GLG1: variants seen among roughly 807,000 people sequenced by gnomAD.
The protein encoded by GLG1 is Golgi apparatus protein 1.
Under a neutral mutation model 160.5 loss-of-function variants are expected in GLG1, and 38 were observed. The ratio of observed to expected loss-of-function variants is 0.24; its 90% confidence interval spans 0.18 to 0.31. GLG1 has a LOEUF of 0.31. Among genes scored for constraint, GLG1 ranks in the 10% least tolerant of loss-of-function variants. The pLI, the probability that GLG1 is intolerant of heterozygous loss-of-function variation, is 1.00. For missense variants in GLG1, 1,373 were observed against 1,505.2 expected (o/e 0.91, Z 1.45); for synonymous variants, 644 against 543.4 (o/e 1.19, Z -2.57).
chr16:74,474,391 C>T (rs547661522), intron 13 of GLG1, 155 bp downstream of exon 13: 4 of 620,744 alleles, frequency 6.4e-6, no homozygotes, highest in African/African-American at 5.5e-5. Flanking sequence ...ACACAATATA[C>T]TTCTTTATAA....
At chr16:74,461,494 A>ATC (rs1457655458) in intron 22 of GLG1, 10 of 89,672 alleles carry the variant, frequency 1.1e-4, no homozygotes, top group Non-Finnish European at 1.7e-4. Context: ...TTTTTGAGAC[A>ATC]GAGTCTTCCT....
chr16:74,575,912 C>G lies in GLG1; in HGVS notation c.438+30745G>C, dbSNP rs549907647. 6.9e-4 allele frequency among the ~76,000 whole-genome samples: 105 copies of G among 152,120 alleles called. 2 individuals carry two copies. The South Asian group carries it at 0.019, about 28-fold the overall frequency. ...TGCTCTCTCTCTCTCTCTCAAAATT[C>G]CAAACTAGCCAGGCGCGGTGGTTCA... On this transcript the variant is annotated intron_variant, in intron 1 of 25. Transcript: ENST00000422840.
In GLG1 at chr16:74,498,448, G is replaced by GTATATATATATATATATTATATATATA. The variant is rs2016282471; in HGVS notation, c.775-1805_775-1804insTATATATATAATATATATATATATATA. 4.6e-4 allele frequency among the ~76,000 whole-genome samples: 11 copies of GTATATATATATATATATTATATATATA among 24,052 alleles called. 1 individual carries two copies. Among genetic ancestry groups the GTATATATATATATATATTATATATATA allele is most frequent in the African/African-American group, 1.5e-3 (11 of 7,156 alleles). The allele number at this position is 24,052 out of a possible 152,430, so 15.8% of individuals were successfully genotyped here. The stretch of plus-strand genomic sequence containing the variant: ...GGCTCTGTCTCAAAAAAAAAAAAAA[G>GTATATATATATATATATTATATATATA]TATATATATATATATATATTATATT... On this transcript the variant is annotated intron_variant, in intron 4 of 25. Coordinates refer to ENST00000422840, the MANE Select transcript of GLG1 (RefSeq NM_001145667.2).
chr16:74,545,913 T>C (rs924519724), intron 1 of GLG1, among the ~76,000 whole-genome samples: 1 of 152,256 alleles, frequency 6.6e-6, no homozygotes, highest in African/African-American at 2.4e-5. Flanking sequence ...CGGTCAACTT[T>C]AATAAAGCAA....
At chr16:74,483,205 G>C in intron 9 of GLG1, 81 bp from the exon 10 acceptor site, 1 of 820,570 alleles carries the variant, frequency 1.2e-6, no homozygotes, top group Admixed American at 2.3e-5. Flanking sequence ...CTGGTCTGTA[G>C]AAGGCGGCTT....
At chr16:74,454,396 T>C (rs1820594800) in intron 25 of GLG1, among the ~76,000 whole-genome samples, 1 of 150,736 alleles carries the variant, frequency 6.6e-6, no homozygotes, top group South Asian at 2.1e-4. Context: ...TGGCCAGGCA[T>C]GGTGGCTCAC....
intron 2 of GLG1, among the ~76,000 whole-genome samples, chr16:74,529,812 CTTTT>C (rs1178684020): frequency 8.6e-6 from 1 of 115,792 alleles, no homozygotes; most frequent in African/African-American, 3.3e-5. Context: ...TTTGAGAGTT[CTTTT>C]TTTTTTTTTT....
rs180758229 is a variant in GLG1 at position 74,459,640 on chromosome 16, A to G, written c.3144+42T>C. On this transcript the variant is annotated intron_variant, in intron 23 of 25. Transcript: ENST00000422840. ...CATTAAAAGGAAGAAGAGAAAAAAA[A>G]AAAAAGAAATGAAGTGAGGAAAAGA... The G allele has an allele frequency of 2.4e-5, 25 of 1,063,036 alleles. No individual in the cohort carries two copies. The East Asian group carries it at 5.5e-4, about 23-fold the overall frequency. 65.9% of individuals were successfully genotyped at this position (1,063,036 alleles called of 1,614,324 possible). A position where few individuals can be genotyped will look rare whatever the true frequency, so the allele number is the denominator to read the frequency against.
chr16:74,563,016 G>GC (rs1419822996), intron 1 of GLG1: 1 of 152,130 alleles, frequency 6.6e-6, no homozygotes, highest in Non-Finnish European at 1.5e-5. Context: ...GTTAGAAAAG[G>GC]TTTTCCCCCA....
chr16:74,509,845 T>C (rs2016744952), intron 2 of GLG1, among the ~76,000 whole-genome samples: 1 of 144,830 alleles, frequency 6.9e-6, no homozygotes, highest in Admixed American at 6.9e-5. Context: ...CAAGACTCTG[T>C]CTCAAAAAAA....
chr16:74,520,696 T>C (rs1451867758), intron 2 of GLG1, among the ~76,000 whole-genome samples: 1 of 152,190 alleles, frequency 6.6e-6, no homozygotes, highest in Non-Finnish European at 1.5e-5. Context: ...AAGAACTGCA[T>C]GCCAGAAATA....
At chr16:74,547,842 T>A (rs1204971753) in intron 1 of GLG1, among the ~76,000 whole-genome samples, 1 of 152,258 alleles carries the variant, frequency 6.6e-6, no homozygotes, top group Admixed American at 6.5e-5. Flanking sequence ...AAAAGCTGTA[T>A]CCTTTTGATA....
chr16:74,502,302 T>C (rs2016433428), intron 4 of GLG1, among the ~76,000 whole-genome samples: 1 of 152,188 alleles, frequency 6.6e-6, no homozygotes, highest in South Asian at 2.1e-4. Flanking sequence ...CAGATCTCTA[T>C]TGTGACCTTC....
chr16:74,502,476 G>A (rs1255253629), intron 4 of GLG1, among the ~76,000 whole-genome samples: 3 of 152,024 alleles, frequency 2.0e-5, no homozygotes, highest in Admixed American at 1.3e-4. Flanking sequence ...CTAACTAGAA[G>A]TACCTTCACA....
chr16:74,477,154 AT>A (rs1828528928), intron 12 of GLG1, among the ~76,000 whole-genome samples: 2 of 152,342 alleles, frequency 1.3e-5, no homozygotes, highest in South Asian at 4.1e-4. Flanking sequence ...AAGAGGGAAA[AT>A]AATCAATTAC....
intron 2 of GLG1, among the ~76,000 whole-genome samples, chr16:74,528,818 A>AAG (rs925302645): frequency 6.7e-6 from 1 of 149,942 alleles, no homozygotes; most frequent in Non-Finnish European, 1.5e-5. Flanking sequence ...TCTCAAAAAA[A>AAG]AAAAAAAAAA....
chr16:74,544,759 C>G (rs1243328779), intron 1 of GLG1, among the ~76,000 whole-genome samples: 1 of 152,168 alleles, frequency 6.6e-6, no homozygotes, highest in Non-Finnish European at 1.5e-5. Flanking sequence ...CTCGGCCTCC[C>G]AAAGTGCAGG....
chr16:74,604,918 G>A (rs1005710885), intron 1 of GLG1, among the ~76,000 whole-genome samples: 3 of 152,082 alleles, frequency 2.0e-5, no homozygotes, highest in Non-Finnish European at 4.4e-5. Flanking sequence ...GCGTGGTGGC[G>A]CTCGCCTGTA....
chr16:74,524,524 C>A (rs1597307251), intron 2 of GLG1, among the ~76,000 whole-genome samples: 1 of 150,264 alleles, frequency 6.7e-6, no homozygotes, highest in Non-Finnish European at 1.5e-5. Context: ...GATATGACAA[C>A]AGTACTATGG....
Sources: gnomAD v4.1 joint callset for allele counts (sites outside exome capture counted in the v4.1 genomes callset) on GRCh38, gnomAD v4.1.1 for gene constraint, MANE v1.5 for transcripts, NCBI Gene and HGNC (gene_info 2026-07-23, HGNC 2026-07-21) for gene names.